The following TXNRD3 variants were observed in gnomAD, a reference collection of about 807,000 sequenced individuals.
TXNRD3 encodes TXNRD3 neighbor gene protein.
Under a neutral mutation model 78.2 loss-of-function variants are expected in TXNRD3, and 68 were observed. The ratio of observed to expected loss-of-function variants is 0.87; its 90% confidence interval spans 0.72 to 1.06. The LOEUF (loss-of-function observed/expected upper bound fraction) is 1.06, where lower values mean the gene tolerates loss of function less well. Ranked by LOEUF, TXNRD3 falls within the 50% of genes least tolerant of loss-of-function variation. TXNRD3 has a pLI of 0.00. For synonymous variants in TXNRD3, 296 were observed against 300.1 expected (o/e 0.99, Z 0.14); for missense variants, 751 against 809.5 (o/e 0.93, Z 0.88).
intron 1 of TXNRD3, among the ~76,000 whole-genome samples, chr3:126,649,326 T>C (rs894677656): frequency 1.3e-5 from 2 of 152,216 alleles, no homozygotes; most frequent in Non-Finnish European, 2.9e-5. Context: ...GCATTATTTT[T>C]AAAAACAAAG....
At chr3:126,645,512 C>A (rs1933204878) in intron 3 of TXNRD3, among the ~76,000 whole-genome samples, 1 of 152,242 alleles carries the variant, frequency 6.6e-6, no homozygotes, top group African/African-American at 2.4e-5. Flanking sequence ...AAATATAATT[C>A]TTAATTAAAG....
At chr3:126,623,242 A>G (rs915580805) in intron 10 of TXNRD3, among the ~76,000 whole-genome samples, 1 of 152,234 alleles carries the variant, frequency 6.6e-6, no homozygotes, top group African/African-American at 2.4e-5. Context: ...AGACCCAGAC[A>G]GCTTCTATAG....
intron 1 of TXNRD3, among the ~76,000 whole-genome samples, chr3:126,651,933 A>T (rs777243): frequency 0.8 from 122,182 of 152,140 alleles, 50,321 homozygotes; most frequent in Middle Eastern, 0.91. Flanking sequence ...ATTTCTTAAA[A>T]AAGACACCAA....
At chr3:126,630,631 T>C in intron 9 of TXNRD3, 81 bp downstream of exon 9, 1 of 1,340,378 alleles carries the variant, frequency 7.5e-7, no homozygotes, top group Admixed American at 2.0e-5. Context: ...GAATACAGAC[T>C]AATTTATGTA....
chr3:126,639,569 A>G (rs1433975557), intron 6 of TXNRD3, among the ~76,000 whole-genome samples: 1 of 152,022 alleles, frequency 6.6e-6, no homozygotes, highest in Non-Finnish European at 1.5e-5. Context: ...AGGGAAAAGA[A>G]AGATTTTTTT....
chr3:126,636,414 T>G (rs1278937759), intron 6 of TXNRD3, among the ~76,000 whole-genome samples: 1 of 152,236 alleles, frequency 6.6e-6, no homozygotes, highest in Non-Finnish European at 1.5e-5. Context: ...TGTCTGATTC[T>G]TGACTTAATT....
chr3:126,647,179 A>G, intron 2 of TXNRD3, 57 bp downstream of exon 2: 1 of 1,302,628 alleles, frequency 7.7e-7, no homozygotes, highest in Non-Finnish European at 1.0e-6. Flanking sequence ...AATGGAAAGA[A>G]GTCAATCTCG....
intron 10 of TXNRD3, among the ~76,000 whole-genome samples, 189 bp from the exon 11 acceptor site, chr3:126,622,729 T>C (rs1938487441): frequency 6.6e-6 from 1 of 152,230 alleles, no homozygotes; most frequent in Admixed American, 6.5e-5. Context: ...TTCACAAGTC[T>C]GAAAAGTCTA....
rs532942239 is a variant in TXNRD3, at chr3:126,623,276, A to G, written c.1291-736T>C. On this transcript the variant is annotated intron_variant, in intron 10 of 15. Transcript: ENST00000524230. ...AGGAAAGTCTATGGAATACTTAAGT[A>G]CGAAATAATGCTAATGGTACAAAAA... is the stretch of plus-strand genomic sequence containing the variant. Among the ~76,000 whole-genome samples, 434 of 152,362 alleles carry G rather than the reference A, an allele frequency of 2.8e-3. 1 individual carries two copies. Among genetic ancestry groups the G allele is most frequent in the Non-Finnish European group, 4.2e-3 (287 of 68,036 alleles).
chr3:126,615,463 C>G lies in TXNRD3; in HGVS notation c.1525-1G>C, dbSNP rs1293693801. On this transcript the variant is annotated splice_acceptor_variant, in intron 12 of 15. Transcript: ENST00000524230. LOFTEE classifies it high-confidence loss of function. The stretch of plus-strand genomic sequence containing the variant: ...TAGTCGGAACATTAATATAATCACA[C>G]TGAAAGACAAACAAATTACATTGTC... 1 of 1,435,372 alleles carries G rather than the reference C, an allele frequency of 7.0e-7. No homozygotes were observed. Among genetic ancestry groups the G allele is most frequent in the Non-Finnish European group, 9.3e-7 (1 of 1,080,306 alleles). 88.9% of individuals were successfully genotyped at this position (1,435,372 alleles called of 1,614,324 possible). A position where few individuals can be genotyped will look rare whatever the true frequency, so the allele number is the denominator to read the frequency against.
chr3:126,635,608 G>GA lies in TXNRD3; in HGVS notation c.713-1558dup, dbSNP rs1327814647. On this transcript the variant is annotated intron_variant, in intron 6 of 15. Coordinates refer to ENST00000524230, the MANE Select transcript of TXNRD3 (RefSeq NM_052883.3). ...AAAATAATCAGCCAATCTCCAAAAA[G>GA]AAAAAAAAAGTCTCATGGAGATCTT... is the stretch of plus-strand genomic sequence containing the variant. Among the ~76,000 whole-genome samples the GA allele has an allele frequency of 3.3e-4, 49 of 150,114 alleles. 2 individuals carry two copies. The South Asian group carries it at 3.6e-3, about 11-fold the overall frequency.
At chr3:126,623,070 G>A (rs72971195) in intron 10 of TXNRD3, among the ~76,000 whole-genome samples, 11,134 of 152,074 alleles carry the variant, frequency 0.073, 471 homozygotes, top group East Asian at 0.2. Context: ...TGTTGTTTAC[G>A]CCCCCTGGTC....
chr3:126,635,832 T>TTTATATTTATGTATGTGA (rs1938847109), intron 6 of TXNRD3, among the ~76,000 whole-genome samples: 1 of 152,224 alleles, frequency 6.6e-6, no homozygotes, highest in Non-Finnish European at 1.5e-5. Flanking sequence ...TGAGTATGTG[T>TTTATATTTATGTATGTGA]ATATATTTAT....
chr3:126,622,580 T>A (rs1441410196), intron 10 of TXNRD3, 40 bp from the exon 11 acceptor site: 30 of 1,452,390 alleles, frequency 2.1e-5, no homozygotes, highest in Non-Finnish European at 2.5e-5. Context: ...ATTATCCATA[T>A]CGGGAATGAA....
At chr3:126,620,726 C>G (rs13063166) in intron 12 of TXNRD3, among the ~76,000 whole-genome samples, 89,259 of 152,026 alleles carry the variant, frequency 0.59, 26,789 homozygotes, top group Non-Finnish European at 0.65. Context: ...AAGGCCCTAC[C>G]AATTCTTCTT....
rs982390608 is a variant in TXNRD3, at chr3:126,622,534, A to G, written c.1297T>C (p.Leu433=). The stretch of plus-strand genomic sequence containing the variant: ...GTACAGGAGTCACGACCAATAGCTA[A>G]CAAAACCTGCATTTGCAGAGAAATC... The change falls in exon 11 of 16, where the codon TTA becomes CTA. Residue 433 remains leucine (L), a synonymous_variant. Transcript: ENST00000524230. 1.3e-6 allele frequency: 2 copies of G among 1,531,166 alleles called. No individual in the cohort carries two copies. The highest frequency in any genetic ancestry group is 2.7e-5 in the African/African-American group (2 of 72,760). The allele number at this position is 1,531,166 out of a possible 1,614,324, so 94.8% of individuals were successfully genotyped here.
intron 1 of TXNRD3, among the ~76,000 whole-genome samples, chr3:126,651,960 G>A (rs532481819): frequency 6.9e-4 from 105 of 152,154 alleles, no homozygotes; most frequent in African/African-American, 2.5e-3. Flanking sequence ...GCCATAAAAG[G>A]AAAAGAACGA....
rs1938076305 is a variant in TXNRD3, at chr3:126,607,577, A to C, written c.*328T>G. The C allele has an allele frequency of 4.4e-6, 1 of 225,498 alleles. No individual in the cohort carries two copies. The highest frequency in any genetic ancestry group is 1.8e-4 in the South Asian group (1 of 5,478). 14.0% of individuals were successfully genotyped at this position (225,498 alleles called of 1,614,324 possible). On this transcript the variant is annotated 3_prime_UTR_variant, in exon 16 of 16. Coordinates refer to ENST00000524230, the MANE Select transcript of TXNRD3 (RefSeq NM_052883.3). ...CAATAGCGACCAGAAAAGCTAACTT[A>C]GGTGAATGGTGCCACTCAAAGGTCT...
chr3:126,611,174 T>C, intron 13 of TXNRD3, 42 bp from the exon 14 acceptor site: 2 of 1,256,086 alleles, frequency 1.6e-6, no homozygotes, highest in Non-Finnish European at 2.2e-6. Flanking sequence ...TTAATGTATA[T>C]GGAAACCATT....
Sources: gnomAD v4.1 joint callset for allele counts (sites outside exome capture counted in the v4.1 genomes callset) on GRCh38, gnomAD v4.1.1 for gene constraint, MANE v1.5 for transcripts, NCBI Gene and HGNC (gene_info 2026-07-23, HGNC 2026-07-21) for gene names.